The following MTA3 variants were observed in gnomAD, a reference collection of about 807,000 sequenced individuals.
The protein encoded by MTA3 is metastasis-associated protein MTA3.
Under a neutral mutation model 83.5 loss-of-function variants are expected in MTA3, and 34 were observed. The observed-to-expected ratio is 0.41, with a 90% CI of 0.31 to 0.54. The LOEUF is 0.54. Among genes scored for constraint, MTA3 ranks in the 20% least tolerant of loss-of-function variants. MTA3 has a pLI of 0.33. For synonymous variants in MTA3, 303 were observed against 252.7 expected, an observed-to-expected ratio of 1.20 and a Z score of -1.89; for missense variants, 761 against 726.4, an observed-to-expected ratio of 1.05 and a Z score of -0.55.
intron 15 of MTA3, among the ~76,000 whole-genome samples, chr2:42,719,572 C>T (rs1331564955): frequency 6.6e-6 from 1 of 152,114 alleles, no homozygotes; most frequent in African/African-American, 2.4e-5. Context: ...CAGGGTCTCG[C>T]TTTGTTGCCC....
intron 16 of MTA3, among the ~76,000 whole-genome samples, chr2:42,750,046 C>T (rs1669753601): frequency 6.6e-6 from 1 of 151,990 alleles, no homozygotes. Context: ...GGCTGGAGTG[C>T]AGTGGCACAA....
At chr2:42,656,070 AAT>A (rs1471539171) in intron 6 of MTA3, 128 bp from the exon 7 acceptor site, 1 of 633,698 alleles carries the variant, frequency 1.6e-6, no homozygotes, top group African/African-American at 1.8e-5. Context: ...CGTCTGAAAG[AAT>A]ATGCCAAAAC....
At chr2:42,716,398 G>A (rs1295395974) in intron 14 of MTA3, among the ~76,000 whole-genome samples, 1 of 152,124 alleles carries the variant, frequency 6.6e-6, no homozygotes, top group Non-Finnish European at 1.5e-5. Context: ...TGTGTCAAGG[G>A]GGTTTGTTGT....
intron 4 of MTA3, among the ~76,000 whole-genome samples, chr2:42,610,714 C>G (rs1202801277): frequency 6.6e-6 from 1 of 152,066 alleles, no homozygotes; most frequent in East Asian, 1.9e-4. Context: ...AGGAAAGCTT[C>G]AAGAGGAATT....
chr2:42,723,426 G>T, intron 16 of MTA3: 1 of 162,696 alleles, frequency 6.1e-6, no homozygotes, highest in Non-Finnish European at 1.3e-5. Flanking sequence ...AGTGTTCCAT[G>T]GGTCATTCTA....
chr2:42,615,256 T>G (rs1180814179), intron 4 of MTA3, among the ~76,000 whole-genome samples: 10 of 151,570 alleles, frequency 6.6e-5, no homozygotes, highest in Non-Finnish European at 1.0e-4. Context: ...TTGTCTGTTT[T>G]TTTCTTTTTT....
chr2:42,717,544 G>T (rs574385991), intron 14 of MTA3, among the ~76,000 whole-genome samples: 1 of 152,032 alleles, frequency 6.6e-6, no homozygotes, highest in African/African-American at 2.4e-5. Flanking sequence ...CTTTATTTTT[G>T]TCTGAAAATG....
At chr2:42,577,105 A>AAATATATAT (rs1211189566) in intron 2 of MTA3, among the ~76,000 whole-genome samples, 3 of 86,952 alleles carry the variant, frequency 3.5e-5, no homozygotes, top group Admixed American at 1.3e-4. Context: ...AAAAAAAAAA[A>AAATATATAT]ATATATATAT....
At chr2:42,664,398 T>C (rs1055170990) in intron 8 of MTA3, among the ~76,000 whole-genome samples, 6 of 151,754 alleles carry the variant, frequency 4.0e-5, no homozygotes, top group Non-Finnish European at 5.9e-5. Flanking sequence ...CATCATTCAG[T>C]TGAATTTGGG....
At chr2:42,692,176 C>T (rs1443171367) in intron 9 of MTA3, among the ~76,000 whole-genome samples, 1 of 152,130 alleles carries the variant, frequency 6.6e-6, no homozygotes, top group Non-Finnish European at 1.5e-5. Flanking sequence ...TTTCTCTCCT[C>T]TGACTGGGTG....
chr2:42,722,536 A>C (rs113155499), intron 15 of MTA3, among the ~76,000 whole-genome samples: 1 of 152,054 alleles, frequency 6.6e-6, no homozygotes, highest in South Asian at 2.1e-4. Flanking sequence ...CCCCAAGGCT[A>C]CCTCTCCAGA....
intron 3 of MTA3, among the ~76,000 whole-genome samples, chr2:42,598,983 G>A (rs1282587957): frequency 6.6e-6 from 1 of 152,172 alleles, no homozygotes; most frequent in Non-Finnish European, 1.5e-5. Flanking sequence ...GTCATCTGAA[G>A]CCTTAGTTCA....
At chr2:42,544,537 C>CTT (rs369149084) in intron 2 of MTA3, among the ~76,000 whole-genome samples, 12 of 141,264 alleles carry the variant, frequency 8.5e-5, no homozygotes, top group African/African-American at 1.3e-4. Context: ...CCAAAAATAA[C>CTT]TTTTTTTTTT....
intron 9 of MTA3, among the ~76,000 whole-genome samples, chr2:42,689,318 T>C (rs1437784375): frequency 6.6e-6 from 1 of 152,214 alleles, no homozygotes; most frequent in Non-Finnish European, 1.5e-5. Flanking sequence ...ACATTTATTG[T>C]GTGGAACATG....
At chr2:42,673,727 T>C (rs1462596982) in intron 8 of MTA3, among the ~76,000 whole-genome samples, 1 of 152,122 alleles carries the variant, frequency 6.6e-6, no homozygotes, top group Non-Finnish European at 1.5e-5. Flanking sequence ...CTCCAGCTGA[T>C]TTGTGGCATC....
Position 42,672,051 on chromosome 2 carries a change from C to T in MTA3, c.703-10350C>T, listed in dbSNP as rs536349090. 3.9e-5 allele frequency among the ~76,000 whole-genome samples: 6 copies of T among 152,314 alleles called. No individual in the cohort carries two copies. The South Asian group carries it at 1.0e-3, about 26-fold the overall frequency. On this transcript the variant is annotated intron_variant, in intron 8 of 16. Coordinates refer to ENST00000405094, the MANE Select transcript of MTA3 (RefSeq NM_001330442.2). ...GCCTGTATTGGTTCTCCAGTGTCTT[C>T]ACACAGTTGTTTTCACATATTTGTC...
At chr2:42,593,289 C>T (rs1301968326) in intron 3 of MTA3, among the ~76,000 whole-genome samples, 1 of 151,884 alleles carries the variant, frequency 6.6e-6, no homozygotes, top group Non-Finnish European at 1.5e-5. Flanking sequence ...GACATTGAGA[C>T]CAGCCTGACC....
intron 15 of MTA3, among the ~76,000 whole-genome samples, chr2:42,721,636 G>T (rs899365091): frequency 6.6e-6 from 1 of 152,128 alleles, no homozygotes; most frequent in Non-Finnish European, 1.5e-5. Flanking sequence ...GCCAATGAGG[G>T]AATTTTTTCT....
intron 9 of MTA3, among the ~76,000 whole-genome samples, chr2:42,683,476 A>G (rs1692110066): frequency 6.6e-6 from 1 of 152,086 alleles, no homozygotes; most frequent in African/African-American, 2.4e-5. Flanking sequence ...GGGTGGAAGG[A>G]GGTTTCAGGA....
Sources: gnomAD v4.1 joint callset for allele counts (sites outside exome capture counted in the v4.1 genomes callset) on GRCh38, gnomAD v4.1.1 for gene constraint, MANE v1.5 for transcripts, NCBI Gene and HGNC (gene_info 2026-07-23, HGNC 2026-07-21) for gene names.